Variants in ERBB2 observed in about 807,000 individuals in gnomAD.
ERBB2 encodes the protein receptor tyrosine-protein kinase erbB-2.
In ERBB2, 61 loss-of-function variants were observed where a neutral mutation model predicts 149.0. The ratio of observed to expected loss-of-function variants is 0.41; its 90% CI spans 0.33 to 0.51. ERBB2 has a LOEUF of 0.51. Among genes scored for constraint, ERBB2 ranks in the 20% least tolerant of loss-of-function variants. The pLI, the probability that ERBB2 is intolerant of heterozygous loss-of-function variation, is 0.25. For missense variants in ERBB2, 1,205 were observed against 1,655.1 expected (o/e 0.73, Z 4.72); for synonymous variants, 633 against 678.8 (o/e 0.93, Z 1.05).
At position 39,723,366 on chromosome 17, in the gene ERBB2, T is replaced by G; in HGVS notation, c.1994T>G (p.Val665Gly). The change falls in exon 17 of 27, where the codon GTG (valine) becomes GGG (glycine). Residue 665 changes from valine (V) to glycine (G), a missense_variant. This residue lies in a region of ERBB2 where 569 missense variants were observed against 803.5 expected (regional missense o/e 0.71). Coordinates refer to ENST00000269571, the MANE Select transcript of ERBB2 (RefSeq NM_004448.4). This position sits in a 1 kb window ranked among gnomAD's most constrained non-coding sequence, Gnocchi z 6.2. Reference protein sequence around the residue: ...ISAVVGILLVVVLGVVFGILI... With the variant: ...ISAVVGILLVGVLGVVFGILI... The stretch of plus-strand genomic sequence containing the variant: ...GCGGTGGTTGGCATTCTGCTGGTCG[T>G]GGTCTTGGGGGTGGTCTTTGGGATC... 6.2e-7 allele frequency: 1 copy of G among 1,612,980 alleles called. No individual in the cohort carries two copies. The highest frequency in any genetic ancestry group is 8.5e-7 in the Non-Finnish European group (1 of 1,179,472).
intron 15 of ERBB2, among the ~76,000 whole-genome samples, chr17:39,718,238 A>AT (rs1308518782): frequency 2.0e-5 from 3 of 152,038 alleles, no homozygotes; most frequent in Admixed American, 2.0e-4. Flanking sequence ...TATTCTTTTA[A>AT]TTTTTCTTAT....
Position 39,726,067 on chromosome 17 carries a change from C to T in ERBB2, c.2872+214C>T, listed in dbSNP as rs529996348. 2 of 547,118 alleles carry T rather than the reference C, an allele frequency of 3.7e-6. No homozygotes were observed. Among genetic ancestry groups the T allele is most frequent in the East Asian group, 6.5e-5 (2 of 30,938 alleles). 33.9% of individuals were successfully genotyped at this position (547,118 alleles called of 1,614,324 possible). A position where few individuals can be genotyped will look rare whatever the true frequency, so the allele number is the denominator to read the frequency against. ...TACAAAATTAAGCTGGGCACAGTGG[C>T]TCATGCCTGTAATCCCAGTACTTTT... On this transcript the variant is annotated intron_variant, in intron 23 of 26. Transcript: ENST00000269571. The surrounding 1 kb of genome is among the most constrained non-coding windows in gnomAD (Gnocchi z 5.1).
At chr17:39,700,000 AGGAGGAGGT>A, upstream of ERBB2, 1 of 1,265,676 alleles carries the variant, frequency 7.9e-7, no homozygotes, top group Non-Finnish European at 9.9e-7. Flanking sequence ...TCACAGGAGA[AGGAGGAGGT>A]GGAGGAGGAG....
At chr17:39,698,799 C>G (rs2057938628), upstream of ERBB2, among the ~76,000 whole-genome samples, 1 of 152,096 alleles carries the variant, frequency 6.6e-6, no homozygotes, top group African/African-American at 2.4e-5. Flanking sequence ...CCTTTGATCC[C>G]TTCTTGACCA....
At chr17:39,691,546 T>TAAAAAAAAAAAAA (rs557885708), upstream of ERBB2, among the ~76,000 whole-genome samples, 3 of 108,428 alleles carry the variant, frequency 2.8e-5, no homozygotes, top group African/African-American at 1.5e-4. Context: ...CCATCTACAT[T>TAAAAAAAAAAAAA]AAAAAAAAAA....
intron 15 of ERBB2, 71 bp downstream of exon 15, chr17:39,717,551 A>G (rs2145716472): frequency 7.7e-7 from 1 of 1,295,376 alleles, no homozygotes; most frequent in East Asian, 2.5e-5. Flanking sequence ...CTCTTACTAT[A>G]AAAGGGGACC....
rs201388672 is a variant in ERBB2 at position 39,717,492 on chromosome 17, G to C, written c.1898+12G>C. ...AACTGCACCCACTCGTGAGTCCAACGGTCTTTTCTGCAGAAAGGAGGACTT... is the reference window on the plus strand; with the variant it reads ...AACTGCACCCACTCGTGAGTCCAACCGTCTTTTCTGCAGAAAGGAGGACTT... On this transcript the variant is annotated intron_variant, in intron 15 of 26. Transcript: ENST00000269571. 6.3e-7 allele frequency: 1 copy of C among 1,597,998 alleles called. No homozygotes were observed. Among genetic ancestry groups the C allele is most frequent in the Non-Finnish European group, 8.6e-7 (1 of 1,168,914 alleles).
intron 4 of ERBB2, 67 bp downstream of exon 4, chr17:39,709,519 T>G: frequency 6.3e-7 from 1 of 1,584,702 alleles, no homozygotes; most frequent in Non-Finnish European, 8.6e-7. Flanking sequence ...AACTCCCAAC[T>G]TACAACCCAG....
At chr17:39,720,957 A>G (rs753479089) in intron 16 of ERBB2, among the ~76,000 whole-genome samples, 17 of 151,974 alleles carry the variant, frequency 1.1e-4, no homozygotes, top group Non-Finnish European at 2.1e-4. Flanking sequence ...CAGATACGCT[A>G]TCTTTTTATT....
rs747327229 is a variant in ERBB2 at position 39,715,470 on chromosome 17, C to G, written c.1247C>G (p.Pro416Arg). The change falls in exon 11 of 27, where the codon CCG (proline) becomes CGG (arginine). Residue 416 changes from proline (P) to arginine (R), a missense_variant. Coordinates refer to ENST00000269571, the MANE Select transcript of ERBB2 (RefSeq NM_004448.4). The part of the protein sequence containing the change: ...ITGYLYISAW[P>R]DSLPDLSVFQ... ...GGTTACCTATACATCTCAGCATGGC[C>G]GGACAGCCTGCCTGACCTCAGCGTC... is the stretch of plus-strand genomic sequence containing the variant. 1.2e-6 allele frequency: 2 copies of G among 1,614,170 alleles called. No homozygotes were observed. The highest frequency in any genetic ancestry group is 1.7e-6 in the Non-Finnish European group (2 of 1,180,026).
upstream of ERBB2, chr17:39,699,487 T>C: frequency 6.8e-7 from 1 of 1,477,742 alleles, no homozygotes. Context: ...CCTTTCGATG[T>C]GACTGTCTCC....
Position 39,724,003 on chromosome 17 carries a change from T to C in ERBB2, c.2300T>C (p.Ile767Thr). ...ACATCCCCCAAAGCCAACAAAGAAA[T>C]CTTAGACGTAAGCCCCTCCACCCTC... ...ENTSPKANKEILDEAYVMAGV... is the reference protein window; with the variant it reads ...ENTSPKANKETLDEAYVMAGV... Residue 767 changes from isoleucine to threonine, a missense_variant, in exon 19 of 27, where the codon ATC becomes ACC. Coordinates refer to ENST00000269571, the MANE Select transcript of ERBB2 (RefSeq NM_004448.4). 1 of 1,612,798 alleles carries C rather than the reference T, an allele frequency of 6.2e-7. No homozygotes were observed. Among genetic ancestry groups the C allele is most frequent in the South Asian group, 1.1e-5 (1 of 91,008 alleles).
Position 39,725,485 on chromosome 17 carries a change from G to T in ERBB2, c.2725+83G>T, listed in dbSNP as rs1046663282. 4.9e-6 allele frequency: 7 copies of T among 1,435,246 alleles called. No individual in the cohort carries two copies. The highest frequency in any genetic ancestry group is 1.4e-5 in the African/African-American group (1 of 71,522). 88.9% of individuals were successfully genotyped at this position (1,435,246 alleles called of 1,614,324 possible). On this transcript the variant is annotated intron_variant, in intron 22 of 26. Transcript: ENST00000269571. The surrounding 1 kb of genome is among the most constrained non-coding windows in gnomAD (Gnocchi z 4.6). ...GAGAGCTGGGATGGGGAGAATTACG[G>T]GGCCACCTCAGCATGTGAAGGGAGG...
At position 39,700,330 on chromosome 17, in the gene ERBB2, G is replaced by T; in HGVS notation, c.73+19G>T. The T allele has an allele frequency of 7.3e-7, 1 of 1,368,520 alleles. No individual in the cohort carries two copies. Among genetic ancestry groups the T allele is most frequent in the African/African-American group, 1.5e-5 (1 of 66,300 alleles). 84.8% of individuals were successfully genotyped at this position (1,368,520 alleles called of 1,614,324 possible). ...ACCCAAGGTGGGTCTGGTGTGGGGA[G>T]GGGACGGAGCAGCGGCGGGACCCTG... On this transcript the variant is annotated intron_variant, in intron 1 of 26. Transcript: ENST00000269571.
upstream of ERBB2, chr17:39,699,962 G>C (rs953541721): frequency 1.6e-6 from 2 of 1,232,766 alleles, no homozygotes; most frequent in Non-Finnish European, 2.0e-6. Context: ...AGTTGGAGGG[G>C]GCGAGCTGGG....
chr17:39,691,906 T>TAG (rs1567886216), upstream of ERBB2, among the ~76,000 whole-genome samples: 4 of 90,230 alleles, frequency 4.4e-5, no homozygotes, highest in African/African-American at 1.8e-4. Flanking sequence ...TATAGATATA[T>TAG]ATACATATAC....
In ERBB2 at chr17:39,724,582, C is replaced by A. The variant is rs1597886113; in HGVS notation, c.2308-144C>A. 7 of 699,964 alleles carry A rather than the reference C, an allele frequency of 1.0e-5. No individual in the cohort carries two copies. In the Middle Eastern group the frequency reaches 2.0e-3, roughly 199 times the overall value. 43.4% of individuals were successfully genotyped at this position (699,964 alleles called of 1,614,324 possible). A position where few individuals can be genotyped will look rare whatever the true frequency, so the allele number is the denominator to read the frequency against. The stretch of plus-strand genomic sequence containing the variant: ...CTAATCTTTGTATTTTTAGTAGAGA[C>A]AGGGTTTCACCATGTTGTCCAGGCT... On this transcript the variant is annotated intron_variant, in intron 19 of 26. Coordinates refer to ENST00000269571, the MANE Select transcript of ERBB2 (RefSeq NM_004448.4).
intron 2 of ERBB2, 190 bp downstream of exon 2, chr17:39,707,331 A>G: frequency 2.0e-6 from 1 of 498,592 alleles, no homozygotes; most frequent in Non-Finnish European, 3.5e-6. Context: ...TCTCTCTATA[A>G]CGTGGCTGGC....
At chr17:39,724,175 G>A (rs1162985491) in intron 19 of ERBB2, among the ~76,000 whole-genome samples, 165 bp downstream of exon 19, 1 of 151,496 alleles carries the variant, frequency 6.6e-6, no homozygotes, top group Non-Finnish European at 1.5e-5. Context: ...CTGGAGTGCA[G>A]TGGCGTTATC....
Sources: gnomAD v4.1 joint callset for allele counts (sites outside exome capture counted in the v4.1 genomes callset) on GRCh38, gnomAD v4.1.1 for gene constraint, gnomAD v4.1.1 regional missense constraint, Gnocchi (gnomAD v3.1) non-coding constraint, MANE v1.5 for transcripts, NCBI Gene and HGNC (gene_info 2026-07-23, HGNC 2026-07-21) for gene names.